Variants in AFAP1L2 observed in about 807,000 individuals in gnomAD.
AFAP1L2 encodes the protein actin filament associated protein 1 like 2.
In AFAP1L2, 46 loss-of-function variants were observed where a neutral mutation model predicts 99.3. The observed-to-expected ratio is 0.46, with a 90% CI of 0.37 to 0.59. The LOEUF is 0.59. Ranked by LOEUF, AFAP1L2 falls within the 20% of genes least tolerant of loss-of-function variation. The pLI, the probability that AFAP1L2 is intolerant of heterozygous loss-of-function variation, is 0.00. For missense variants in AFAP1L2, 959 were observed against 1,034.9 expected (o/e 0.93, Z 1.01); for synonymous variants, 397 against 419.1 (o/e 0.95, Z 0.64).
intron 1 of AFAP1L2, among the ~76,000 whole-genome samples, chr10:114,351,195 G>C (rs891978283): frequency 6.6e-6 from 1 of 152,130 alleles, no homozygotes; most frequent in Non-Finnish European, 1.5e-5. Flanking sequence ...TTTGGTGGAG[G>C]GGCTATGGGA....
In AFAP1L2 at chr10:114,374,477, G is replaced by A. The variant is rs748148515; in HGVS notation, c.16+29963C>T. On this transcript the variant is annotated intron_variant, in intron 1 of 18. Transcript: ENST00000304129. ...CCTCTTCATGGACACCCAGCTGAGC[G>A]AGAGAGACTCCCCTTCCCCAGCCCT... Among the ~76,000 whole-genome samples the A allele has an allele frequency of 1.4e-4, 22 of 152,244 alleles. No individual in the cohort carries two copies. In the East Asian group the frequency reaches 2.5e-3, roughly 17 times the overall value.
intron 1 of AFAP1L2, among the ~76,000 whole-genome samples, chr10:114,361,091 A>G (rs944503428): frequency 2.6e-5 from 4 of 152,178 alleles, no homozygotes; most frequent in Non-Finnish European, 5.9e-5. Context: ...ACTTAGCAGG[A>G]AAACTCCCCC....
intron 1 of AFAP1L2, among the ~76,000 whole-genome samples, chr10:114,370,892 C>T (rs193231880): frequency 7.4e-4 from 112 of 152,328 alleles, no homozygotes; most frequent in African/African-American, 2.3e-3. Flanking sequence ...CCCCACTTTT[C>T]CATAAATCCC....
chr10:114,305,630 CAGATGCAGGAGGAGAT>C (rs2042143067), intron 10 of AFAP1L2, among the ~76,000 whole-genome samples: 1 of 87,116 alleles, frequency 1.1e-5, no homozygotes, highest in Non-Finnish European at 2.4e-5. Context: ...GGAGGGGATG[CAGATGCAGGAGGAGAT>C]GCAGATGCAG....
chr10:114,374,605 T>G (rs946147818), intron 1 of AFAP1L2, among the ~76,000 whole-genome samples: 2 of 152,018 alleles, frequency 1.3e-5, no homozygotes. Flanking sequence ...TGTCTTTAGC[T>G]GCTCAGCATT....
intron 4 of AFAP1L2, among the ~76,000 whole-genome samples, chr10:114,327,006 G>A (rs78510020): frequency 0.018 from 2,679 of 150,664 alleles, 73 homozygotes; most frequent in African/African-American, 0.06. Flanking sequence ...GTTAAATGAT[G>A]AGTCACATGA....
Position 114,361,586 on chromosome 10 carries a change from T to A in AFAP1L2, c.17-20855A>T, listed in dbSNP as rs112571530. On this transcript the variant is annotated intron_variant, in intron 1 of 18. Transcript: ENST00000304129. Reference sequence around the variant, plus strand: ...ACCTGAACAGAGAGGCTAGGACACCTCTGGTGCTGGGTTTGCAAAGTGATG... The same window carrying A: ...ACCTGAACAGAGAGGCTAGGACACCACTGGTGCTGGGTTTGCAAAGTGATG... Among the ~76,000 whole-genome samples the A allele has an allele frequency of 4.4e-3, 675 of 152,254 alleles. 6 individuals carry two copies. Among genetic ancestry groups the A allele is most frequent in the African/African-American group, 0.016 (651 of 41,536 alleles).
chr10:114,304,989 A>G, intron 10 of AFAP1L2, 59 bp from the exon 11 acceptor site: 1 of 519,970 alleles, frequency 1.9e-6, no homozygotes, highest in Non-Finnish European at 2.9e-6. Flanking sequence ...ACGCAGATGC[A>G]GGAGGGGGCG....
At chr10:114,284,749 G>A in the AFAP1L2 span, 7 of 930,494 alleles carry the variant, frequency 7.5e-6, no homozygotes, top group African/African-American at 1.2e-4. Context: ...GTGGGGGAAG[G>A]GAGGGGCTGG....
chr10:114,404,595 C>T, upstream of AFAP1L2: 2 of 1,281,470 alleles, frequency 1.6e-6, no homozygotes, highest in South Asian at 2.0e-5. Context: ...CCGCCGCGCC[C>T]AGGGTCCTCG....
rs1030755622 is a variant in AFAP1L2, at chr10:114,306,762, C to T, written c.1072+1043G>A. Among the ~76,000 whole-genome samples the T allele has an allele frequency of 3.9e-5, 6 of 152,126 alleles. No individual in the cohort carries two copies. In the South Asian group the frequency reaches 6.2e-4, roughly 16 times the overall value. On this transcript the variant is annotated intron_variant, in intron 10 of 18. Coordinates refer to ENST00000304129, the MANE Select transcript of AFAP1L2 (RefSeq NM_001001936.3). ...TATTCTCTCTCAGCCCTCCCCTAGC[C>T]GCAGGAAGCATACTTCACTGCTGAG...
chr10:114,282,529 T>C, the AFAP1L2 span: 1 of 1,614,062 alleles, frequency 6.2e-7, no homozygotes, highest in Non-Finnish European at 8.5e-7. Flanking sequence ...GAAGAGAGTG[T>C]TCCTAACCCA....
chr10:114,286,974 G>A, the AFAP1L2 span, among the ~76,000 whole-genome samples: 6 of 152,146 alleles, frequency 3.9e-5, no homozygotes, highest in Non-Finnish European at 7.4e-5. Flanking sequence ...ATGCACACGC[G>A]CTGGTGCAGC....
intron 4 of AFAP1L2, among the ~76,000 whole-genome samples, chr10:114,329,937 C>T (rs1730705518): frequency 1.3e-5 from 2 of 152,134 alleles, no homozygotes; most frequent in African/African-American, 4.8e-5. Context: ...AATACCCATC[C>T]CTCGATGGGT....
At chr10:114,316,736 T>C (rs1029177959) in intron 5 of AFAP1L2, among the ~76,000 whole-genome samples, 3 of 152,180 alleles carry the variant, frequency 2.0e-5, no homozygotes, top group African/African-American at 7.2e-5. Context: ...CATCTGTCCA[T>C]CGATTGATTG....
At chr10:114,321,979 G>C (rs1031183999) in intron 5 of AFAP1L2, among the ~76,000 whole-genome samples, 2 of 152,196 alleles carry the variant, frequency 1.3e-5, no homozygotes, top group Admixed American at 1.3e-4. Flanking sequence ...TGTCATGGGA[G>C]GGACCTGGTG....
intron 4 of AFAP1L2, among the ~76,000 whole-genome samples, chr10:114,331,287 C>T (rs533123318): frequency 1.3e-5 from 2 of 152,130 alleles, no homozygotes; most frequent in East Asian, 1.9e-4. Flanking sequence ...TATTTATTCA[C>T]TTATTTTATA....
intron 10 of AFAP1L2, 46 bp from the exon 11 acceptor site, chr10:114,304,976 G>T (rs771231418): frequency 6.5e-7 from 1 of 1,544,350 alleles, no homozygotes; most frequent in Non-Finnish European, 8.9e-7. Flanking sequence ...GCTGCAGGAG[G>T]GGACGCAGAT....
chr10:114,328,855 A>AACACCACCTACATCCCC (rs2046824250), intron 4 of AFAP1L2, among the ~76,000 whole-genome samples: 1 of 152,186 alleles, frequency 6.6e-6, no homozygotes, highest in African/African-American at 2.4e-5. Context: ...GTGCCCGGTG[A>AACACCACCTACATCCCC]ACACCACCTA....
Sources: gnomAD v4.1 joint callset for allele counts (sites outside exome capture counted in the v4.1 genomes callset) on GRCh38, gnomAD v4.1.1 for gene constraint, MANE v1.5 for transcripts, NCBI Gene and HGNC (gene_info 2026-07-23, HGNC 2026-07-21) for gene names.